RBFOX1: variants seen among roughly 807,000 people sequenced by gnomAD.
The protein encoded by RBFOX1 is RNA binding fox-1 homolog 1, also known as RNA binding protein fox-1 homolog 1.
In RBFOX1, 8 loss-of-function variants were observed where a neutral mutation model predicts 57.7. The observed-to-expected ratio is 0.14, with a 90% CI of 0.08 to 0.25. The LOEUF (loss-of-function observed/expected upper bound fraction) is 0.25. Ranked by LOEUF, RBFOX1 falls within the 10% of genes least tolerant of loss-of-function variation. The probability of loss-of-function intolerance (pLI) is 1.00; values close to 1 mark genes in which losing one functional copy is unlikely to be tolerated. For missense variants in RBFOX1, 611 were observed against 548.5 expected, an observed-to-expected ratio of 1.11 and a Z score of -1.14; for synonymous variants, 326 against 222.4, an observed-to-expected ratio of 1.47 and a Z score of -4.15.
At chr16:7,321,285 C>T (rs1431397897) in intron 4 of RBFOX1, among the ~76,000 whole-genome samples, 3 of 152,032 alleles carry the variant, frequency 2.0e-5, no homozygotes, top group Non-Finnish European at 4.4e-5. Flanking sequence ...GCTGGGATTA[C>T]AGGTGTGTGC....
chr16:6,970,968 C>G (rs1033924652), intron 3 of RBFOX1, among the ~76,000 whole-genome samples: 4 of 152,194 alleles, frequency 2.6e-5, no homozygotes, highest in Non-Finnish European at 5.9e-5. Flanking sequence ...CTACCCATTT[C>G]CTCCTGCCCT....
At chr16:6,586,302 C>T (rs74005134) in intron 2 of RBFOX1, among the ~76,000 whole-genome samples, 7,816 of 152,220 alleles carry the variant, frequency 0.051, 334 homozygotes, top group African/African-American at 0.11. Context: ...CTATATTGTG[C>T]ATAGATGACA....
intron 1 of RBFOX1, among the ~76,000 whole-genome samples, chr16:5,317,153 C>T (rs1236299688): frequency 6.6e-6 from 1 of 152,064 alleles, no homozygotes; most frequent in Non-Finnish European, 1.5e-5. Flanking sequence ...GTCTTCTCAG[C>T]CTTTATAAAT....
At chr16:5,475,527 C>T (rs1321749459) in intron 2 of RBFOX1, among the ~76,000 whole-genome samples, 1 of 152,230 alleles carries the variant, frequency 6.6e-6, no homozygotes, top group Non-Finnish European at 1.5e-5. Context: ...TTGGGACCTT[C>T]AGAGCCAGCT....
intron 4 of RBFOX1, among the ~76,000 whole-genome samples, chr16:5,897,829 C>G (rs2058204735): frequency 1.4e-5 from 2 of 142,124 alleles, no homozygotes; most frequent in South Asian, 2.1e-4. Context: ...ATTCATTTAA[C>G]TTCTCTTTTT....
chr16:6,644,137 T>G (rs12918955), intron 2 of RBFOX1, among the ~76,000 whole-genome samples: 1 of 152,030 alleles, frequency 6.6e-6, no homozygotes, highest in East Asian at 1.9e-4. Context: ...ATAATAATAG[T>G]GTAGGTTGCA....
At chr16:5,446,875 A>G (rs1464482215) in intron 1 of RBFOX1, among the ~76,000 whole-genome samples, 1 of 152,094 alleles carries the variant, frequency 6.6e-6, no homozygotes, top group Admixed American at 6.5e-5. Context: ...GTAGGCTGAC[A>G]TCCCAGCTTC....
At chr16:7,422,410 G>T (rs1334827455) in intron 4 of RBFOX1, among the ~76,000 whole-genome samples, 1 of 152,128 alleles carries the variant, frequency 6.6e-6, no homozygotes, top group African/African-American at 2.4e-5. Flanking sequence ...GGCAAGGGAG[G>T]CTGCCAACAT....
At chr16:5,886,408 G>C (rs1218671522) in intron 4 of RBFOX1, among the ~76,000 whole-genome samples, 1 of 152,176 alleles carries the variant, frequency 6.6e-6, no homozygotes, top group African/African-American at 2.4e-5. Context: ...ATCTCAAGAG[G>C]AGTTCTGTAG....
chr16:6,208,581 T>C (rs1490410715), intron 1 of RBFOX1, among the ~76,000 whole-genome samples: 2 of 152,210 alleles, frequency 1.3e-5, no homozygotes, highest in Non-Finnish European at 2.9e-5. Context: ...GTGCCTGATG[T>C]AGATCAATCA....
chr16:7,654,968 G>C (rs1170893777), intron 12 of RBFOX1, among the ~76,000 whole-genome samples: 1 of 152,178 alleles, frequency 6.6e-6, no homozygotes, highest in East Asian at 1.9e-4. Context: ...GCGATCCCCA[G>C]AAAGCCTGGC....
chr16:5,605,941 G>T (rs768417215), intron 3 of RBFOX1, among the ~76,000 whole-genome samples: 7 of 152,048 alleles, frequency 4.6e-5, no homozygotes, highest in African/African-American at 9.7e-5. Context: ...CCATAAGCTG[G>T]CCCACCTTTC....
intron 3 of RBFOX1, among the ~76,000 whole-genome samples, chr16:5,642,140 C>T (rs775862792): frequency 1.3e-5 from 2 of 152,144 alleles, no homozygotes; most frequent in African/African-American, 4.8e-5. Context: ...GAGTGATTCA[C>T]TTTAGAGGCC....
intron 3 of RBFOX1, among the ~76,000 whole-genome samples, chr16:6,910,345 C>G (rs527580386): frequency 4.6e-5 from 7 of 152,228 alleles, no homozygotes; most frequent in East Asian, 1.9e-4. Flanking sequence ...TTCCACTCCC[C>G]GTCTCCACAC....
At position 7,252,838 on chromosome 16, in the gene RBFOX1, A is replaced by G. The variant is rs185126358; in HGVS notation, c.27+200740A>G. Among the ~76,000 whole-genome samples, 368 of 152,212 alleles carry G rather than the reference A, an allele frequency of 2.4e-3. 3 individuals carry two copies. The highest frequency in any genetic ancestry group is 6.8e-4 in the Non-Finnish European group (46 of 68,024). ...GATCTGGGATGTGAACGTGGTACCT[A>G]AATTCAGACCAAGTGATCTTTCCCT... is the stretch of plus-strand genomic sequence containing the variant. On this transcript the variant is annotated intron_variant, in intron 4 of 15. Coordinates refer to ENST00000550418, the MANE Select transcript of RBFOX1 (RefSeq NM_018723.4).
Position 6,830,051 on chromosome 16 carries a change from G to C in RBFOX1, c.-16+175401G>C, listed in dbSNP as rs138167320. On this transcript the variant is annotated intron_variant, in intron 3 of 15. Transcript: ENST00000550418. ...CATGCCTCAGCCTCCCAAGTAACTA[G>C]GATTACAGGCACACACCACCAAGCC... 0.011 allele frequency among the ~76,000 whole-genome samples: 1,722 copies of C among 152,128 alleles called. 81 individuals carry two copies. The East Asian group carries it at 0.14, about 12-fold the overall frequency.
Position 7,199,258 on chromosome 16 carries a change from G to C in RBFOX1, c.27+147160G>C, listed in dbSNP as rs565558178. Among the ~76,000 whole-genome samples the C allele has an allele frequency of 3.3e-5, 5 of 152,282 alleles. No individual in the cohort carries two copies. In the South Asian group the frequency reaches 1.0e-3, roughly 32 times the overall value. On this transcript the variant is annotated intron_variant, in intron 4 of 15. Coordinates refer to ENST00000550418, the MANE Select transcript of RBFOX1 (RefSeq NM_018723.4). ...CTTAAACCAGACAAGATTTCCTTCA[G>C]TGTGATAATAAATACACCAAAGTGC...
intron 1 of RBFOX1, among the ~76,000 whole-genome samples, chr16:6,190,860 G>A (rs2097136975): frequency 6.6e-6 from 1 of 152,150 alleles, no homozygotes; most frequent in Non-Finnish European, 1.5e-5. Flanking sequence ...AACCGAGTTG[G>A]GAGAAATGTA....
At chr16:6,128,945 A>T (rs1366541332) in intron 1 of RBFOX1, among the ~76,000 whole-genome samples, 1 of 152,226 alleles carries the variant, frequency 6.6e-6, no homozygotes. Context: ...ACTAAGTTCA[A>T]GATGGAAACA....
Sources: allele counts gnomAD v4.1 joint callset (sites outside exome capture counted in the v4.1 genomes callset), GRCh38; gene constraint gnomAD v4.1.1; transcripts MANE v1.5; gene names NCBI Gene and HGNC (gene_info 2026-07-23, HGNC 2026-07-21).